The following SRP9 variants were observed in gnomAD, a reference collection of about 807,000 sequenced individuals.
SRP9 encodes the protein signal recognition particle 9 kDa protein.
A neutral mutation model predicts 11.7 loss-of-function variants in SRP9; 2 were observed. The ratio of observed to expected loss-of-function variants is 0.17; its 90% confidence interval spans 0.07 to 0.54. The LOEUF (loss-of-function observed/expected upper bound fraction) is 0.54, where lower values mean the gene tolerates loss of function less well. Among genes scored for constraint, SRP9 ranks in the 20% least tolerant of loss-of-function variants. The pLI, the probability that SRP9 is intolerant of heterozygous loss-of-function variation, is 0.94. For synonymous variants in SRP9, 27 were observed against 35.6 expected (o/e 0.76, Z 0.86); for missense variants, 54 against 108.1 (o/e 0.50, Z 2.22).
rs561503475 is a variant in SRP9, at chr1:225,784,229, C to CTTT, written c.141+894_141+896dup. Among the ~76,000 whole-genome samples, 224 of 34,464 alleles carry CTTT rather than the reference C, an allele frequency of 6.5e-3. 46 individuals are homozygous for CTTT. Among genetic ancestry groups the CTTT allele is most frequent in the African/African-American group, 7.3e-3 (54 of 7,430 alleles). 22.6% of individuals were successfully genotyped at this position (34,464 alleles called of 152,430 possible). ...TCTACAGTGGAGTTTATCACCTGTTCTTTTTTTTTTTTTTTTTTTTTTTTT... is the reference window on the plus strand; with the variant it reads ...TCTACAGTGGAGTTTATCACCTGTTCTTTTTTTTTTTTTTTTTTTTTTTTTTTT... On this transcript the variant is annotated intron_variant, in intron 2 of 2. Coordinates refer to ENST00000304786, the MANE Select transcript of SRP9 (RefSeq NM_003133.6).
intron 1 of SRP9, among the ~76,000 whole-genome samples, chr1:225,778,291 T>C (rs1332121964): frequency 6.6e-6 from 1 of 152,250 alleles, no homozygotes; most frequent in African/African-American, 2.4e-5. Flanking sequence ...TGGCTTCGGT[T>C]GTTTTACGAG....
At chr1:225,788,238 T>C (rs1665955748) in intron 2 of SRP9, among the ~76,000 whole-genome samples, 1 of 151,912 alleles carries the variant, frequency 6.6e-6, no homozygotes, top group Admixed American at 6.6e-5. Context: ...CTACTAAAAA[T>C]AGAAAAATTA....
Position 225,789,158 on chromosome 1 carries a change from A to G in SRP9, c.142-82A>G, listed in dbSNP as rs966330399. ...AAAACAGTGGTAGGAAAAACTCTCAAAATTTTACCCAATTGTATGTTTTCT... is the reference window on the plus strand; with the variant it reads ...AAAACAGTGGTAGGAAAAACTCTCAGAATTTTACCCAATTGTATGTTTTCT... On this transcript the variant is annotated intron_variant, in intron 2 of 2. Coordinates refer to ENST00000304786, the MANE Select transcript of SRP9 (RefSeq NM_003133.6). 7 of 1,554,428 alleles carry G rather than the reference A, an allele frequency of 4.5e-6. No homozygotes were observed. The Admixed American group carries it at 1.4e-4, about 30-fold the overall frequency.
chr1:225,784,229 C>CTTTTTTTTTTTTTTT (rs561503475), intron 2 of SRP9, among the ~76,000 whole-genome samples: 1 of 34,458 alleles, frequency 2.9e-5, no homozygotes, highest in African/African-American at 1.3e-4. Context: ...ATCACCTGTT[C>CTTTTTTTTTTTTTTT]TTTTTTTTTT....
At chr1:225,778,234 A>G (rs1665722222) in intron 1 of SRP9, among the ~76,000 whole-genome samples, 1 of 152,108 alleles carries the variant, frequency 6.6e-6, no homozygotes, top group Non-Finnish European at 1.5e-5. Flanking sequence ...TCAGCCCTAA[A>G]CATTTCTGCA....
Position 225,789,806 on chromosome 1 carries a change from T to C in SRP9, c.*447T>C, listed in dbSNP as rs189915800. 117 of 164,366 alleles carry C rather than the reference T, an allele frequency of 7.1e-4. 2 individuals carry two copies. Among genetic ancestry groups the C allele is most frequent in the African/African-American group, 2.7e-3 (111 of 41,656 alleles). 10.2% of individuals were successfully genotyped at this position (164,366 alleles called of 1,614,324 possible). On this transcript the variant is annotated 3_prime_UTR_variant, in exon 3 of 3. Transcript: ENST00000304786. Reference sequence around the variant, plus strand: ...TGTGACCAATAAATATAAAATATGGTAATTGGAATTAACTCCACACCATAG... The same window carrying C: ...TGTGACCAATAAATATAAAATATGGCAATTGGAATTAACTCCACACCATAG...
chr1:225,779,274 A>G (rs915339286), intron 1 of SRP9, among the ~76,000 whole-genome samples: 1 of 151,930 alleles, frequency 6.6e-6, no homozygotes, highest in Non-Finnish European at 1.5e-5. Flanking sequence ...CTTCCCGAGT[A>G]GCTAGGTTTA....
At position 225,789,560 on chromosome 1, in the gene SRP9, T is replaced by C. The variant is rs1488539155; in HGVS notation, c.*201T>C. The C allele has an allele frequency of 2.2e-6, 1 of 452,008 alleles. No individual in the cohort carries two copies. Among genetic ancestry groups the C allele is most frequent in the Non-Finnish European group, 3.8e-6 (1 of 264,004 alleles). The allele number at this position is 452,008 out of a possible 1,614,324, so 28.0% of individuals were successfully genotyped here. A position where few individuals can be genotyped will look rare whatever the true frequency, so the allele number is the denominator to read the frequency against. Reference sequence around the variant, plus strand: ...CAGTTAGAAAGCCTTTATTTACTTTTGGAAATTGAACAAGAAATGCATCTG... The same window carrying C: ...CAGTTAGAAAGCCTTTATTTACTTTCGGAAATTGAACAAGAAATGCATCTG... On this transcript the variant is annotated 3_prime_UTR_variant, in exon 3 of 3. Transcript: ENST00000304786.
intron 1 of SRP9, among the ~76,000 whole-genome samples, chr1:225,782,945 C>T (rs183737965): frequency 5.3e-5 from 8 of 152,288 alleles, no homozygotes; most frequent in Admixed American, 5.2e-4. Flanking sequence ...CCTGTCATTC[C>T]TCTGTGGCTA....
chr1:225,781,247 A>C (rs911570242), intron 1 of SRP9, among the ~76,000 whole-genome samples: 25 of 149,792 alleles, frequency 1.7e-4, no homozygotes, highest in Admixed American at 7.4e-4. Context: ...TATAGGACTT[A>C]ATTCATTCTG....
intron 1 of SRP9, among the ~76,000 whole-genome samples, chr1:225,778,754 T>G (rs893804509): frequency 2.0e-5 from 3 of 152,336 alleles, no homozygotes; most frequent in Admixed American, 6.5e-5. Context: ...TTTGGTTATT[T>G]TATTGTCATG....
chr1:225,784,515 G>C (rs11806236), intron 2 of SRP9, among the ~76,000 whole-genome samples: 151,514 of 151,514 alleles, frequency 1, 75,757 homozygotes, highest in Non-Finnish European at 1. Context: ...TCCGAAAATG[G>C]TGGGATTACA....
intron 2 of SRP9, 53 bp downstream of exon 2, chr1:225,783,421 ATTTG>A: frequency 7.1e-7 from 1 of 1,413,088 alleles, no homozygotes; most frequent in East Asian, 2.3e-5. Flanking sequence ...TGAGTTAATT[ATTTG>A]TTTGAAATTA....
intron 2 of SRP9, 35 bp downstream of exon 2, chr1:225,783,403 G>A: frequency 6.7e-7 from 1 of 1,500,142 alleles, no homozygotes; most frequent in African/African-American, 1.4e-5. Flanking sequence ...CATACTTTCA[G>A]ATTTGTTTGA....
At position 225,790,155 on chromosome 1, in the gene SRP9, G is replaced by C. The variant is rs1194538115; in HGVS notation, c.*796G>C. 1 of 152,190 alleles carries C rather than the reference G, an allele frequency of 6.6e-6. No homozygotes were observed. Among genetic ancestry groups the C allele is most frequent in the African/African-American group, 2.4e-5 (1 of 41,444 alleles). 9.4% of individuals were successfully genotyped at this position (152,190 alleles called of 1,614,324 possible). The stretch of plus-strand genomic sequence containing the variant: ...GAAGGGCTATGGATTAGTTTGAACT[G>C]TCAAATCCTTGCATACTTCTGTGAC... On this transcript the variant is annotated 3_prime_UTR_variant, in exon 3 of 3. Transcript: ENST00000304786.
intron 2 of SRP9, among the ~76,000 whole-genome samples, chr1:225,784,096 A>G (rs2102649260): frequency 6.6e-6 from 1 of 151,674 alleles, no homozygotes; most frequent in Admixed American, 6.6e-5. Context: ...CATTTAACTG[A>G]GTCTAATACT....
At chr1:225,784,967 G>T (rs1665875391) in intron 2 of SRP9, among the ~76,000 whole-genome samples, 1 of 152,014 alleles carries the variant, frequency 6.6e-6, no homozygotes, top group Non-Finnish European at 1.5e-5. Context: ...TTAGAGACAG[G>T]ATATCGCTAT....
chr1:225,785,268 G>C (rs59056449), intron 2 of SRP9, among the ~76,000 whole-genome samples: 1 of 148,934 alleles, frequency 6.7e-6, no homozygotes, highest in African/African-American at 2.5e-5. Flanking sequence ...AGTAGAGACG[G>C]GGTTTTCACC....
At position 225,788,352 on chromosome 1, in the gene SRP9, C is replaced by G. The variant is rs556708946; in HGVS notation, c.142-888C>G. 3.3e-5 allele frequency among the ~76,000 whole-genome samples: 5 copies of G among 152,124 alleles called. No homozygotes were observed. In the South Asian group the frequency reaches 1.0e-3, roughly 32 times the overall value. On this transcript the variant is annotated intron_variant, in intron 2 of 2. Transcript: ENST00000304786. ...AGTGAGCTGAGATTGCACCACTACACCCCCAACCTGGGCCACAGAGTGAGA... is the reference window on the plus strand; with the variant it reads ...AGTGAGCTGAGATTGCACCACTACAGCCCCAACCTGGGCCACAGAGTGAGA...
Sources: allele counts gnomAD v4.1 joint callset (sites outside exome capture counted in the v4.1 genomes callset), GRCh38; gene constraint gnomAD v4.1.1; transcripts MANE v1.5; gene names NCBI Gene and HGNC (gene_info 2026-07-23, HGNC 2026-07-21).